The following CSMD1 variants were observed in gnomAD, a reference collection of about 807,000 sequenced individuals.
CSMD1 encodes the protein CUB and sushi domain-containing protein 1.
CSMD1 carries 213 observed loss-of-function variants against 417.5 expected under a neutral mutation model. The observed-to-expected ratio is 0.51, with a 90% CI of 0.46 to 0.57. The LOEUF (loss-of-function observed/expected upper bound fraction) is 0.57. Among genes scored for constraint, CSMD1 ranks in the 20% least tolerant of loss-of-function variants. CSMD1 has a pLI of 0.00. For synonymous variants in CSMD1, 2,862 were observed against 1,736.8 expected, an observed-to-expected ratio of 1.65 and a Z score of -16.11; for missense variants, 6,923 against 4,529.7, an observed-to-expected ratio of 1.53 and a Z score of -15.17.
chr8:4,418,459 A>C (rs7816189), intron 3 of CSMD1, among the ~76,000 whole-genome samples: 59,129 of 152,006 alleles, frequency 0.39, 12,227 homozygotes, highest in African/African-American at 0.51. Context: ...GAGTTTTCAC[A>C]ACATTAATTT....
chr8:4,618,928 C>T (rs532042167), intron 2 of CSMD1, among the ~76,000 whole-genome samples: 2 of 152,048 alleles, frequency 1.3e-5, no homozygotes, highest in Non-Finnish European at 2.9e-5. Flanking sequence ...ACAAAAGAAA[C>T]CACAATAACA....
At chr8:4,270,451 C>G (rs544687421) in intron 3 of CSMD1, among the ~76,000 whole-genome samples, 208 of 152,236 alleles carry the variant, frequency 1.4e-3, no homozygotes, top group Middle Eastern at 0.01. Flanking sequence ...TTTCAAAGAT[C>G]ACAGAGAAGC....
chr8:3,132,345 T>C (rs994263964), intron 41 of CSMD1, among the ~76,000 whole-genome samples: 5 of 152,092 alleles, frequency 3.3e-5, no homozygotes, highest in East Asian at 1.9e-4. Context: ...GCCTAATACA[T>C]AGACGGCCTT....
chr8:4,196,890 T>G (rs1045957084), intron 3 of CSMD1, among the ~76,000 whole-genome samples: 1 of 152,208 alleles, frequency 6.6e-6, no homozygotes, highest in Admixed American at 6.5e-5. Flanking sequence ...TCCGCCATCT[T>G]CATTAAATTC....
intron 12 of CSMD1, among the ~76,000 whole-genome samples, chr8:3,418,337 A>G (rs1813287097): frequency 6.6e-6 from 1 of 152,120 alleles, no homozygotes; most frequent in African/African-American, 2.4e-5. Flanking sequence ...ATAGATTTTC[A>G]AACTTGTTTA....
At chr8:3,316,228 T>A (rs1416253248) in intron 23 of CSMD1, among the ~76,000 whole-genome samples, 1 of 152,212 alleles carries the variant, frequency 6.6e-6, no homozygotes, top group Non-Finnish European at 1.5e-5. Flanking sequence ...GCTAACTATA[T>A]ACTGTATGTA....
intron 5 of CSMD1, among the ~76,000 whole-genome samples, chr8:3,758,670 G>GAT (rs1797812367): frequency 6.6e-6 from 1 of 152,190 alleles, no homozygotes; most frequent in African/African-American, 2.4e-5. Context: ...TTGAGATTTA[G>GAT]AAGAAAAGAA....
intron 34 of CSMD1, among the ~76,000 whole-genome samples, 188 bp from the exon 35 acceptor site, chr8:3,189,199 C>A (rs62502933): frequency 0.14 from 20,715 of 152,150 alleles, 1,764 homozygotes; most frequent in Admixed American, 0.21. Context: ...ATAATTATTA[C>A]CTATTATGCT....
chr8:4,470,529 C>G (rs1800466412), intron 2 of CSMD1, among the ~76,000 whole-genome samples: 1 of 152,172 alleles, frequency 6.6e-6, no homozygotes, highest in African/African-American at 2.4e-5. Context: ...ATTAAATGAA[C>G]TCAGACAAAA....
intron 12 of CSMD1, among the ~76,000 whole-genome samples, chr8:3,436,702 C>T (rs193074208): frequency 3.9e-5 from 6 of 152,136 alleles, no homozygotes; most frequent in Admixed American, 6.5e-5. Flanking sequence ...ACCTTAGAAA[C>T]GCTTTCTGAG....
chr8:3,711,491 C>T (rs139615859), intron 6 of CSMD1, among the ~76,000 whole-genome samples: 1 of 152,214 alleles, frequency 6.6e-6, no homozygotes, highest in Admixed American at 6.5e-5. Flanking sequence ...CATGAACGTC[C>T]TGCACTACGG....
chr8:4,215,749 T>C lies in CSMD1; in HGVS notation c.416-183650A>G, dbSNP rs9792313. On this transcript the variant is annotated intron_variant, in intron 3 of 69. Transcript: ENST00000635120. ...GAATCTTCATGAGTAATACTTCCTG[T>C]CACTTTTTCTTTAAAACATTGTTTT... Among the ~76,000 whole-genome samples the C allele has an allele frequency of 1.7e-4, 26 of 152,308 alleles. No homozygotes were observed. In the East Asian group the frequency reaches 4.6e-3, roughly 27 times the overall value.
chr8:3,270,418 A>T (rs1585870997), intron 26 of CSMD1, among the ~76,000 whole-genome samples: 1 of 152,280 alleles, frequency 6.6e-6, no homozygotes. Flanking sequence ...GTGAAAAAAA[A>T]TGATCAGTTT....
At chr8:3,168,540 T>C (rs1239703570) in intron 37 of CSMD1, among the ~76,000 whole-genome samples, 1 of 151,998 alleles carries the variant, frequency 6.6e-6, no homozygotes, top group Non-Finnish European at 1.5e-5. Context: ...AGGAAGTAAA[T>C]GTCAAATGCC....
intron 7 of CSMD1, among the ~76,000 whole-genome samples, chr8:3,659,316 G>C (rs543228834): frequency 1.3e-5 from 2 of 152,110 alleles, no homozygotes; most frequent in African/African-American, 4.8e-5. Context: ...TGTAGTTATT[G>C]TTACAAAGAA....
intron 3 of CSMD1, among the ~76,000 whole-genome samples, chr8:4,090,739 C>A (rs753026372): frequency 1.3e-5 from 2 of 152,052 alleles, no homozygotes; most frequent in Non-Finnish European, 2.9e-5. Context: ...AAACATTAAA[C>A]CAACACATAT....
intron 1 of CSMD1, among the ~76,000 whole-genome samples, chr8:4,895,164 A>T (rs1585280628): frequency 6.6e-6 from 1 of 152,318 alleles, no homozygotes; most frequent in Middle Eastern, 3.4e-3. Context: ...TACAAAAAAT[A>T]ATAACTATTT....
intron 6 of CSMD1, among the ~76,000 whole-genome samples, chr8:3,742,659 A>G (rs1391173125): frequency 2.0e-5 from 3 of 152,020 alleles, no homozygotes; most frequent in Non-Finnish European, 4.4e-5. Flanking sequence ...CGTCTCTCCC[A>G]TACACCTACA....
rs561248928 is a variant in CSMD1 at position 4,602,929 on chromosome 8, T to C, written c.302+34413A>G. 2.8e-4 allele frequency among the ~76,000 whole-genome samples: 42 copies of C among 152,048 alleles called. 1 individual carries two copies. Among genetic ancestry groups the C allele is most frequent in the African/African-American group, 9.4e-4 (39 of 41,546 alleles). ...ATCTAGGTTAAAATAGATTATTATG[T>C]ATGAATGTAACTATAAAAATAGATA... On this transcript the variant is annotated intron_variant, in intron 2 of 69. Coordinates refer to ENST00000635120, the MANE Select transcript of CSMD1 (RefSeq NM_033225.6).
Sources: gnomAD v4.1 joint callset for allele counts (sites outside exome capture counted in the v4.1 genomes callset) on GRCh38, gnomAD v4.1.1 for gene constraint, MANE v1.5 for transcripts, NCBI Gene and HGNC (gene_info 2026-07-23, HGNC 2026-07-21) for gene names.